SORCS1: variants seen among roughly 807,000 people sequenced by gnomAD.
SORCS1 encodes sortilin related VPS10 domain containing receptor 1, also known as VPS10 domain-containing receptor SorCS1.
A neutral mutation model predicts 146.1 loss-of-function variants in SORCS1; 60 were observed. The observed-to-expected ratio is 0.41, with a 90% CI of 0.33 to 0.51. SORCS1 has a LOEUF of 0.51. Ranked by LOEUF, SORCS1 falls within the 20% of genes least tolerant of loss-of-function variation. SORCS1 has a pLI of 0.21. For synonymous variants in SORCS1, 637 were observed against 584.0 expected, an observed-to-expected ratio of 1.09 and a Z score of -1.31; for missense variants, 1,352 against 1,487.6, an observed-to-expected ratio of 0.91 and a Z score of 1.50.
intron 3 of SORCS1, among the ~76,000 whole-genome samples, chr10:106,802,776 G>A (rs1946973849): frequency 1.3e-5 from 2 of 151,678 alleles, no homozygotes; most frequent in African/African-American, 4.9e-5. Flanking sequence ...TGGAATTACA[G>A]GCGTGAGCCA....
intron 1 of SORCS1, among the ~76,000 whole-genome samples, chr10:107,139,291 G>A (rs983891773): frequency 2.0e-5 from 3 of 152,126 alleles, no homozygotes; most frequent in African/African-American, 7.2e-5. Context: ...GCAGAGTTGT[G>A]CACTTAGTTT....
At chr10:106,893,611 A>T (rs1212515795) in intron 2 of SORCS1, among the ~76,000 whole-genome samples, 7 of 152,226 alleles carry the variant, frequency 4.6e-5, no homozygotes. Flanking sequence ...TTAAAACATG[A>T]TGTTGCCACA....
intron 5 of SORCS1, among the ~76,000 whole-genome samples, chr10:106,743,503 C>G (rs559627933): frequency 6.6e-6 from 1 of 152,198 alleles, no homozygotes; most frequent in African/African-American, 2.4e-5. Context: ...CAGCTCACTG[C>G]AACCTCCGCC....
chr10:107,159,450 A>G (rs904850088), intron 1 of SORCS1, among the ~76,000 whole-genome samples: 2 of 152,238 alleles, frequency 1.3e-5, no homozygotes, highest in Non-Finnish European at 2.9e-5. Flanking sequence ...TACAGCCAGT[A>G]TTATAACCCA....
intron 2 of SORCS1, among the ~76,000 whole-genome samples, chr10:106,873,872 G>C (rs4917490): frequency 0.29 from 43,816 of 151,988 alleles, 7,502 homozygotes; most frequent in Non-Finnish European, 0.38. Flanking sequence ...CTTCCAAAAA[G>C]AGTCAGTGCC....
At chr10:107,119,649 G>A (rs1353486408) in intron 1 of SORCS1, among the ~76,000 whole-genome samples, 2 of 152,020 alleles carry the variant, frequency 1.3e-5, no homozygotes, top group African/African-American at 2.4e-5. Flanking sequence ...ATTATTAGAA[G>A]CCTTCAAATA....
intron 1 of SORCS1, among the ~76,000 whole-genome samples, chr10:107,101,600 G>T (rs961893074): frequency 6.6e-6 from 1 of 152,120 alleles, no homozygotes; most frequent in African/African-American, 2.4e-5. Context: ...GTCCTCAAGT[G>T]ATCCTGCCAT....
chr10:107,015,967 C>G (rs1016036655), intron 1 of SORCS1, among the ~76,000 whole-genome samples: 1 of 131,330 alleles, frequency 7.6e-6, no homozygotes, highest in Admixed American at 7.8e-5. Flanking sequence ...ACTTATACCA[C>G]AAACCTATTG....
In SORCS1 at chr10:107,051,806, C is replaced by T. The variant is rs79834762; in HGVS notation, c.559-95226G>A. On this transcript the variant is annotated intron_variant, in intron 1 of 25. Coordinates refer to ENST00000263054, the MANE Select transcript of SORCS1 (RefSeq NM_052918.5). ...GATGCAGTGAGTTGTTTAAGACACG[C>T]TAATTCATGAAAGGGCTGGTACTTG... Among the ~76,000 whole-genome samples the T allele has an allele frequency of 2.6e-5, 4 of 152,222 alleles. No individual in the cohort carries two copies. In the East Asian group the frequency reaches 7.7e-4, roughly 29 times the overall value.
At chr10:107,140,463 C>T (rs1967715645) in intron 1 of SORCS1, among the ~76,000 whole-genome samples, 1 of 152,122 alleles carries the variant, frequency 6.6e-6, no homozygotes, top group Non-Finnish European at 1.5e-5. Context: ...AACAAATGAA[C>T]AAACATTTGT....
intron 6 of SORCS1, among the ~76,000 whole-genome samples, chr10:106,719,459 C>A (rs1047723975): frequency 3.3e-5 from 5 of 149,508 alleles, no homozygotes; most frequent in Non-Finnish European, 5.9e-5. Context: ...TGTCGCCAGG[C>A]TGGAATGCAG....
At chr10:107,074,493 G>A (rs1366564090) in intron 1 of SORCS1, among the ~76,000 whole-genome samples, 1 of 152,150 alleles carries the variant, frequency 6.6e-6, no homozygotes, top group African/African-American at 2.4e-5. Flanking sequence ...TATAAACAAA[G>A]CTGCTATAAA....
At chr10:107,083,430 T>C (rs1282554478) in intron 1 of SORCS1, among the ~76,000 whole-genome samples, 2 of 152,232 alleles carry the variant, frequency 1.3e-5, no homozygotes, top group African/African-American at 2.4e-5. Flanking sequence ...TCTGTTTGTA[T>C]TGTTTCTCAT....
rs144591148 is a variant in SORCS1 at position 106,664,968 on chromosome 10, T to C, written c.2303+2721A>G. ...TAGTTATTTTATTAACCTTTTCATT[T>C]TTTTCCTCCATGGTACTATGCTAAG... On this transcript the variant is annotated intron_variant, in intron 17 of 25. Transcript: ENST00000263054. Among the ~76,000 whole-genome samples, 4 of 152,300 alleles carry C rather than the reference T, an allele frequency of 2.6e-5. No individual in the cohort carries two copies. In the East Asian group the frequency reaches 7.7e-4, roughly 29 times the overall value.
chr10:107,054,730 G>A (rs148482062), intron 1 of SORCS1, among the ~76,000 whole-genome samples: 1 of 152,278 alleles, frequency 6.6e-6, no homozygotes, highest in African/African-American at 2.4e-5. Flanking sequence ...AAACCACAGG[G>A]CATGAGCTAT....
At chr10:107,179,461 A>G in the SORCS1 span, among the ~76,000 whole-genome samples, 6 of 152,212 alleles carry the variant, frequency 3.9e-5, no homozygotes, top group Admixed American at 3.9e-4. Flanking sequence ...AGAATGTTAT[A>G]TAAAAAATGT....
At chr10:107,173,501 C>A in the SORCS1 span, among the ~76,000 whole-genome samples, 349 of 152,158 alleles carry the variant, frequency 2.3e-3, 1 homozygote, top group Non-Finnish European at 4.3e-3. Flanking sequence ...TCATGTTATA[C>A]CTCATAAATA....
At chr10:107,123,396 A>G (rs1265411026) in intron 1 of SORCS1, among the ~76,000 whole-genome samples, 1 of 152,220 alleles carries the variant, frequency 6.6e-6, no homozygotes, top group Non-Finnish European at 1.5e-5. Flanking sequence ...TAATTCTTGA[A>G]AGTAAGTTCA....
At chr10:106,898,542 T>C (rs1457757336) in intron 2 of SORCS1, among the ~76,000 whole-genome samples, 2 of 152,148 alleles carry the variant, frequency 1.3e-5, no homozygotes, top group Non-Finnish European at 2.9e-5. Context: ...ATCAAACAAA[T>C]GGCCACTGTC....
Sources: allele counts gnomAD v4.1 joint callset (sites outside exome capture counted in the v4.1 genomes callset), GRCh38; gene constraint gnomAD v4.1.1; transcripts MANE v1.5; gene names NCBI Gene and HGNC (gene_info 2026-07-23, HGNC 2026-07-21).